The following MPRIP variants were observed in gnomAD, a reference collection of about 807,000 sequenced individuals.
The protein encoded by MPRIP is myosin phosphatase Rho interacting protein.
Under a neutral mutation model 234.9 loss-of-function variants are expected in MPRIP, and 59 were observed. The observed-to-expected ratio is 0.25, with a 90% CI of 0.20 to 0.31. The LOEUF is 0.31. MPRIP is among the 10% of genes least tolerant of loss of function. MPRIP has a pLI of 1.00. For missense variants in MPRIP, 2,436 were observed against 3,071.0 expected (o/e 0.79, Z 4.89); for synonymous variants, 1,144 against 1,263.9 (o/e 0.91, Z 2.01).
chr17:17,125,417 A>G (rs902745843), intron 3 of MPRIP, among the ~76,000 whole-genome samples: 4 of 152,224 alleles, frequency 2.6e-5, no homozygotes, highest in Non-Finnish European at 5.9e-5. Context: ...ACATTTAACC[A>G]TGGAGAAAAG....
intron 5 of MPRIP, among the ~76,000 whole-genome samples, chr17:17,133,834 A>G (rs1462486412): frequency 6.6e-6 from 1 of 152,138 alleles, no homozygotes; most frequent in Non-Finnish European, 1.5e-5. Context: ...GTGGCCTGAG[A>G]GGCGTGGGCT....
chr17:17,175,718 G>T (rs1266390497), intron 20 of MPRIP, among the ~76,000 whole-genome samples: 1 of 152,232 alleles, frequency 6.6e-6, no homozygotes, highest in African/African-American at 2.4e-5. Flanking sequence ...GACACGTTCT[G>T]TAGCCATGTG....
At position 17,081,777 on chromosome 17, in the gene MPRIP, T is replaced by C. The variant is rs1191210706; in HGVS notation, c.267+3701T>C. ...TCTCCAGGCAGCCCTGAGATGGGGC[T>C]AACTTTGGGGAATCTCTTTTCCTTT... On this transcript the variant is annotated intron_variant, in intron 3 of 23. Coordinates refer to ENST00000651222, the MANE Select transcript of MPRIP (RefSeq NM_001364716.4). Among the ~76,000 whole-genome samples the C allele has an allele frequency of 3.3e-5, 5 of 152,222 alleles. No homozygotes were observed. In the South Asian group the frequency reaches 8.3e-4, roughly 25 times the overall value.
chr17:17,063,580 G>A (rs1185853784), intron 1 of MPRIP, among the ~76,000 whole-genome samples: 2 of 152,140 alleles, frequency 1.3e-5, no homozygotes, highest in East Asian at 1.9e-4. Flanking sequence ...TGTCTGCATC[G>A]ACTGTTTGAG....
chr17:17,141,923 TCTTTGGATAA>T (rs2045332291), intron 7 of MPRIP: 1 of 152,274 alleles, frequency 6.6e-6, no homozygotes, highest in Non-Finnish European at 1.5e-5. Flanking sequence ...CTTCTTTAAT[TCTTTGGATAA>T]TTTTGGTTCA....
At chr17:17,057,773 C>T in intron 1 of MPRIP, 1 of 709,204 alleles carries the variant, frequency 1.4e-6, no homozygotes, top group Admixed American at 2.0e-5. Flanking sequence ...CATCCTACAC[C>T]CGAGGTGGCC....
At position 17,190,668 on chromosome 17, in the gene MPRIP, A is replaced by G. The variant is rs938154652; in HGVS notation, c.*5774A>G. On this transcript the variant is annotated 3_prime_UTR_variant, in exon 24 of 24. Coordinates refer to ENST00000651222, the MANE Select transcript of MPRIP (RefSeq NM_001364716.4). ...ACATCTCCCTTCTCTGAAATCCTTC[A>G]ACAAAAGAAAAGGCTCTTGGCAGGG... The G allele has an allele frequency of 1.3e-5, 2 of 152,214 alleles. No individual in the cohort carries two copies. The highest frequency in any genetic ancestry group is 4.1e-4 in the South Asian group (2 of 4,830). The allele number at this position is 152,214 out of a possible 1,614,324, so 9.4% of individuals were successfully genotyped here. A position where few individuals can be genotyped will look rare whatever the true frequency, so the allele number is the denominator to read the frequency against.
Position 17,164,183 on chromosome 17 carries a change from T to G in MPRIP, c.2592T>G (p.Leu864=), listed in dbSNP as rs1157180883. The part of the protein sequence containing the change: ...HRVNQDLQSE[L]EAQCQRQELI... ...TCAACCAAGACCTTCAAAGTGAGCT[T>G]GAAGCCCAGTGCCAGCGCCAGGAGC... Residue 864 remains leucine, a synonymous_variant, in exon 16 of 24, where the codon CTT becomes CTG. Transcript: ENST00000651222. The G allele has an allele frequency of 1.2e-5, 15 of 1,304,154 alleles. No homozygotes were observed. Among genetic ancestry groups the G allele is most frequent in the Non-Finnish European group, 1.4e-5 (14 of 988,976 alleles). 80.8% of individuals were successfully genotyped at this position (1,304,154 alleles called of 1,614,324 possible).
intron 12 of MPRIP, among the ~76,000 whole-genome samples, chr17:17,153,709 C>T (rs1376878063): frequency 2.0e-5 from 3 of 151,968 alleles, no homozygotes; most frequent in African/African-American, 7.2e-5. Flanking sequence ...TCTGAGCTGC[C>T]CTGTCCCCTG....
At chr17:17,178,952 T>C (rs2046315656) in intron 22 of MPRIP, among the ~76,000 whole-genome samples, 1 of 150,788 alleles carries the variant, frequency 6.6e-6, no homozygotes, top group African/African-American at 2.4e-5. Flanking sequence ...TGTGCTGACC[T>C]GTGGTGGAAT....
intron 3 of MPRIP, among the ~76,000 whole-genome samples, chr17:17,111,390 C>T (rs1313313023): frequency 2.0e-5 from 3 of 152,252 alleles, no homozygotes; most frequent in East Asian, 3.9e-4. Context: ...CAGCAGGTGT[C>T]CTGAGGCAGG....
chr17:17,142,126 C>G (rs913874434), intron 7 of MPRIP: 1 of 158,328 alleles, frequency 6.3e-6, no homozygotes, highest in Non-Finnish European at 1.4e-5. Context: ...GCCGCCAGCC[C>G]TTTCACATGA....
At chr17:17,113,160 T>C (rs1420665684) in intron 3 of MPRIP, among the ~76,000 whole-genome samples, 1 of 152,152 alleles carries the variant, frequency 6.6e-6, no homozygotes, top group Non-Finnish European at 1.5e-5. Flanking sequence ...TTCCACTGAT[T>C]GGTATCCCTG....
intron 3 of MPRIP, among the ~76,000 whole-genome samples, chr17:17,106,121 G>A (rs542914547): frequency 6.6e-6 from 1 of 152,262 alleles, no homozygotes; most frequent in East Asian, 1.9e-4. Flanking sequence ...GCTTGTCCAG[G>A]GCGAAGTGTC....
rs116811896 is a variant in MPRIP at position 17,115,348 on chromosome 17, G to A, written c.268-11354G>A. Among the ~76,000 whole-genome samples the A allele has an allele frequency of 3.3e-3, 505 of 152,346 alleles. 3 individuals are homozygous for A. The highest frequency in any genetic ancestry group is 0.012 in the African/African-American group (489 of 41,580). On this transcript the variant is annotated intron_variant, in intron 3 of 23. Coordinates refer to ENST00000651222, the MANE Select transcript of MPRIP (RefSeq NM_001364716.4). ...GTGATGGAGGCGGCATGCTGTGGTG[G>A]GCTAGGAGTTAGGAAGCCTGGGCCT... is the stretch of plus-strand genomic sequence containing the variant.
intron 22 of MPRIP, 100 bp from the exon 23 acceptor site, chr17:17,179,903 G>T: frequency 1.1e-6 from 1 of 924,342 alleles, no homozygotes. Context: ...TAAGTATGCT[G>T]CAGTAGGAAG....
chr17:17,052,243 T>G (rs2088564405), intron 1 of MPRIP, among the ~76,000 whole-genome samples: 1 of 152,196 alleles, frequency 6.6e-6, no homozygotes, highest in South Asian at 2.1e-4. Flanking sequence ...ATCCTCCCTG[T>G]CCTTGGGAAG....
chr17:17,076,780 A>G (rs961376207), intron 2 of MPRIP, among the ~76,000 whole-genome samples: 1 of 151,918 alleles, frequency 6.6e-6, no homozygotes, highest in African/African-American at 2.4e-5. Flanking sequence ...TCCCTTTCCT[A>G]TTTTATATCA....
intron 5 of MPRIP, 27 bp from the exon 6 acceptor site, chr17:17,136,192 C>G: frequency 6.2e-7 from 1 of 1,613,526 alleles, no homozygotes; most frequent in East Asian, 2.2e-5. Context: ...CCTGCACCTT[C>G]ACAGACACCA....
Sources: allele counts gnomAD v4.1 joint callset (sites outside exome capture counted in the v4.1 genomes callset), GRCh38; gene constraint gnomAD v4.1.1; transcripts MANE v1.5; gene names NCBI Gene and HGNC (gene_info 2026-07-23, HGNC 2026-07-21).